The following KCNIP4 variants were observed in gnomAD, a reference collection of about 807,000 sequenced individuals.
The protein encoded by KCNIP4 is Kv channel-interacting protein 4.
In KCNIP4, 12 loss-of-function variants were observed where a neutral mutation model predicts 34.0. The observed-to-expected ratio is 0.35, with a 90% CI of 0.23 to 0.57. The LOEUF (loss-of-function observed/expected upper bound fraction) is 0.57, where lower values mean the gene tolerates loss of function less well. KCNIP4 is among the 20% of genes least tolerant of loss of function. The pLI, the probability that KCNIP4 is intolerant of heterozygous loss-of-function variation, is 0.83. For synonymous variants in KCNIP4, 124 were observed against 102.2 expected (o/e 1.21, Z -1.29); for missense variants, 238 against 311.7 (o/e 0.76, Z 1.78).
intron 1 of KCNIP4, among the ~76,000 whole-genome samples, chr4:21,406,964 A>C (rs1724048270): frequency 6.6e-6 from 1 of 152,188 alleles, no homozygotes; most frequent in South Asian, 2.1e-4. Flanking sequence ...ATAGAACAAA[A>C]ACTTTGATAA....
At chr4:20,888,066 AG>A (rs1183357732) in intron 1 of KCNIP4, among the ~76,000 whole-genome samples, 1 of 152,042 alleles carries the variant, frequency 6.6e-6, no homozygotes, top group African/African-American at 2.4e-5. Context: ...TCTAGATACA[AG>A]GGAAGCAGTA....
intron 1 of KCNIP4, among the ~76,000 whole-genome samples, chr4:21,836,435 G>A (rs1033594013): frequency 1.3e-5 from 2 of 152,138 alleles, no homozygotes; most frequent in African/African-American, 2.4e-5. Flanking sequence ...GTGATGCCAA[G>A]AGATGTCCTA....
At chr4:21,670,202 C>T (rs187624807) in intron 1 of KCNIP4, among the ~76,000 whole-genome samples, 109 of 152,016 alleles carry the variant, frequency 7.2e-4, no homozygotes, top group African/African-American at 2.4e-3. Flanking sequence ...TGAAATACAA[C>T]GTTGCTATTA....
intron 1 of KCNIP4, among the ~76,000 whole-genome samples, chr4:21,284,187 T>G (rs1024980087): frequency 1.3e-5 from 2 of 150,092 alleles, no homozygotes; most frequent in Non-Finnish European, 3.0e-5. Context: ...CACTCCAGCC[T>G]GGGCGACAGA....
intron 3 of KCNIP4, among the ~76,000 whole-genome samples, chr4:20,813,672 C>G (rs902982383): frequency 6.6e-6 from 1 of 152,112 alleles, no homozygotes; most frequent in Non-Finnish European, 1.5e-5. Flanking sequence ...GCTCACACAA[C>G]AGAAATAATG....
intron 1 of KCNIP4, among the ~76,000 whole-genome samples, chr4:21,036,983 T>C (rs12641187): frequency 0.28 from 41,853 of 151,956 alleles, 5,839 homozygotes; most frequent in South Asian, 0.3. Context: ...TGTGTGTGTT[T>C]GTGTCTTTGT....
intron 1 of KCNIP4, among the ~76,000 whole-genome samples, chr4:21,235,114 C>A (rs1021406679): frequency 6.6e-6 from 1 of 152,084 alleles, no homozygotes; most frequent in Admixed American, 6.6e-5. Flanking sequence ...CGTAACTAAA[C>A]ATATTTCAGT....
chr4:21,595,185 C>CCTGT (rs1449105904), intron 1 of KCNIP4, among the ~76,000 whole-genome samples: 1 of 152,028 alleles, frequency 6.6e-6, no homozygotes, highest in Non-Finnish European at 1.5e-5. Context: ...TGTTCCCCTC[C>CCTGT]CTGTGTCCAT....
chr4:20,886,445 T>C (rs1725322888), intron 1 of KCNIP4, among the ~76,000 whole-genome samples: 1 of 152,092 alleles, frequency 6.6e-6, no homozygotes, highest in Non-Finnish European at 1.5e-5. Context: ...AGGTAGCTGG[T>C]GGGTGGGAAA....
chr4:20,750,365 TG>T (rs769654533), intron 4 of KCNIP4, among the ~76,000 whole-genome samples: 25 of 152,082 alleles, frequency 1.6e-4, no homozygotes, highest in South Asian at 6.2e-4. Context: ...ATTGGTGACT[TG>T]GGAAGTTTCT....
At chr4:21,627,110 C>A (rs180708945) in intron 1 of KCNIP4, among the ~76,000 whole-genome samples, 297 of 152,190 alleles carry the variant, frequency 2.0e-3, no homozygotes, top group African/African-American at 6.8e-3. Flanking sequence ...AAAATCTTAG[C>A]CTAAATAACA....
rs138259148 is a variant in KCNIP4 at position 20,940,925 on chromosome 4, A to G, written c.62-58216T>C. Among the ~76,000 whole-genome samples, 384 of 152,342 alleles carry G rather than the reference A, an allele frequency of 2.5e-3. 3 individuals carry two copies. The highest frequency in any genetic ancestry group is 8.8e-3 in the African/African-American group (367 of 41,572). On this transcript the variant is annotated intron_variant, in intron 1 of 8. Coordinates refer to ENST00000382152, the MANE Select transcript of KCNIP4 (RefSeq NM_025221.6). ...CTCAGAGATAGACACACTGGATTCC[A>G]GTCTCAACCATTTAATGCCTGAGTG... is the stretch of plus-strand genomic sequence containing the variant.
chr4:21,590,859 T>C (rs566421851), intron 1 of KCNIP4, among the ~76,000 whole-genome samples: 97 of 152,104 alleles, frequency 6.4e-4, no homozygotes, highest in African/African-American at 2.1e-3. Flanking sequence ...TTAGGTCTTA[T>C]AATTTTAAGC....
At chr4:21,419,780 A>C (rs1209162441) in intron 1 of KCNIP4, among the ~76,000 whole-genome samples, 1 of 152,092 alleles carries the variant, frequency 6.6e-6, no homozygotes, top group Non-Finnish European at 1.5e-5. Flanking sequence ...CCAAGGAGAG[A>C]AGGAATGTGT....
chr4:21,088,277 C>T (rs1746651559), intron 1 of KCNIP4, among the ~76,000 whole-genome samples: 1 of 152,094 alleles, frequency 6.6e-6, no homozygotes, highest in African/African-American at 2.4e-5. Flanking sequence ...GGAGGTAGAA[C>T]TTTTAAAGCT....
At chr4:20,998,259 T>C (rs1012238943) in intron 1 of KCNIP4, among the ~76,000 whole-genome samples, 6 of 152,082 alleles carry the variant, frequency 3.9e-5, no homozygotes, top group African/African-American at 1.4e-4. Context: ...AGAGAGAGCA[T>C]CAGAGACGCT....
chr4:21,487,433 T>C (rs1732014986), intron 1 of KCNIP4, among the ~76,000 whole-genome samples: 1 of 152,194 alleles, frequency 6.6e-6, no homozygotes, highest in African/African-American at 2.4e-5. Flanking sequence ...ACTTCACTGT[T>C]GATGTTGACC....
At chr4:21,828,211 T>C (rs939145404) in intron 1 of KCNIP4, among the ~76,000 whole-genome samples, 5 of 151,486 alleles carry the variant, frequency 3.3e-5, no homozygotes, top group Non-Finnish European at 7.4e-5. Context: ...AAATAATACA[T>C]AACAATTGAA....
At chr4:21,593,119 T>G (rs58676056) in intron 1 of KCNIP4, among the ~76,000 whole-genome samples, 18,108 of 134,714 alleles carry the variant, frequency 0.13, 1,240 homozygotes, top group African/African-American at 0.18. Flanking sequence ...GTGTGTGTGT[T>G]TGTGTGTGTG....
Sources: gnomAD v4.1 joint callset for allele counts (sites outside exome capture counted in the v4.1 genomes callset) on GRCh38, gnomAD v4.1.1 for gene constraint, MANE v1.5 for transcripts, NCBI Gene and HGNC (gene_info 2026-07-23, HGNC 2026-07-21) for gene names.